The following TNRC18 variants were observed in gnomAD, a reference collection of about 807,000 sequenced individuals.
TNRC18 encodes the protein trinucleotide repeat-containing gene 18 protein.
Under a neutral mutation model 226.7 loss-of-function variants are expected in TNRC18, and 69 were observed. The ratio of observed to expected loss-of-function variants is 0.30; its 90% CI spans 0.25 to 0.37. The LOEUF is 0.37. TNRC18 is among the 10% of genes least tolerant of loss of function. TNRC18 has a pLI of 1.00. For synonymous variants in TNRC18, 2,449 were observed against 1,927.6 expected (o/e 1.27, Z -7.09); for missense variants, 4,754 against 4,256.6 (o/e 1.12, Z -3.25).
intron 4 of TNRC18, 199 bp from the exon 5 acceptor site, chr7:5,389,535 A>G (rs1467432541): frequency 1.3e-5 from 7 of 527,940 alleles, no homozygotes; most frequent in Non-Finnish European, 1.6e-5. Context: ...GCTCACTGCA[A>G]CCTCCACCTC....
intron 17 of TNRC18, among the ~76,000 whole-genome samples, chr7:5,348,256 T>G (rs1791411835): frequency 6.6e-6 from 1 of 152,170 alleles, no homozygotes. Context: ...ACATCCAAAG[T>G]GCCACCCATG....
chr7:5,422,428 G>A (rs1782639356), intron 1 of TNRC18, among the ~76,000 whole-genome samples: 1 of 147,808 alleles, frequency 6.8e-6, no homozygotes, highest in Non-Finnish European at 1.5e-5. Flanking sequence ...AAATCCCCCT[G>A]TAGTTCCAGG....
At position 5,324,028 on chromosome 7, in the gene TNRC18, T is replaced by C. The variant is rs1396196442; in HGVS notation, c.6442+186A>G. 6.6e-6 allele frequency among the ~76,000 whole-genome samples: 1 copy of C among 152,240 alleles called. No homozygotes were observed. Among genetic ancestry groups the C allele is most frequent in the African/African-American group, 2.4e-5 (1 of 41,470 alleles). ...GGCCGCTCTCTTGCCTCATCTGCAG[T>C]TGACTAAGCTGCAGCCAGTCCAGCC... On this transcript the variant is annotated intron_variant, in intron 21 of 29. Transcript: ENST00000430969. The surrounding 1 kb of genome is among the most constrained non-coding windows in gnomAD (Gnocchi z 4.8).
chr7:5,335,473 T>C (rs938238622), intron 18 of TNRC18, among the ~76,000 whole-genome samples: 7 of 151,166 alleles, frequency 4.6e-5, no homozygotes, highest in Non-Finnish European at 8.8e-5. Flanking sequence ...CCAGGCATGG[T>C]GGTGGGCACT....
chr7:5,313,056 G>A lies in TNRC18; in HGVS notation c.7835C>T (p.Pro2612Leu), dbSNP rs1160508257. 12 of 1,078,162 alleles carry A rather than the reference G, an allele frequency of 1.1e-5. No individual in the cohort carries two copies. The highest frequency in any genetic ancestry group is 7.9e-5 in the Admixed American group (4 of 50,324). 66.8% of individuals were successfully genotyped at this position (1,078,162 alleles called of 1,614,324 possible). A position where few individuals can be genotyped will look rare whatever the true frequency, so the allele number is the denominator to read the frequency against. ...CSAASSRAAS[P>L]ASSSSSSSSS... ...GGATGAGGAGGAGGAGGAGGAGGCC[G>A]GTGAGGCCGCCCTGGAGCTGGCAGC... The change falls in exon 27 of 30, where the codon CCG becomes CTG. Residue 2612 changes from proline to leucine, a missense_variant. Pro to Leu is a moderately conservative substitution (Grantham distance 98). Coordinates refer to ENST00000430969, the MANE Select transcript of TNRC18 (RefSeq NM_001080495.3).
Position 5,380,468 on chromosome 7 carries a change from A to G in TNRC18, c.2153-2444T>C, listed in dbSNP as rs116492625. Among the ~76,000 whole-genome samples, 590 of 152,344 alleles carry G rather than the reference A, an allele frequency of 3.9e-3. 6 individuals carry two copies. Among genetic ancestry groups the G allele is most frequent in the African/African-American group, 0.013 (549 of 41,582 alleles). Reference sequence around the variant, plus strand: ...CCCTGCAGGAAGGTGGGAACCCACCAGTCCCAGAAGCAGAAGAGAGGAACC... The same window carrying G: ...CCCTGCAGGAAGGTGGGAACCCACCGGTCCCAGAAGCAGAAGAGAGGAACC... On this transcript the variant is annotated intron_variant, in intron 5 of 29. Coordinates refer to ENST00000430969, the MANE Select transcript of TNRC18 (RefSeq NM_001080495.3).
chr7:5,376,215 AT>A lies in TNRC18; in HGVS notation c.2617del (p.Met873TrpfsTer65). 6.7e-7 allele frequency: 1 copy of A among 1,501,740 alleles called. No homozygotes were observed. The allele number at this position is 1,501,740 out of a possible 1,614,324, so 93.0% of individuals were successfully genotyped here. A position where few individuals can be genotyped will look rare whatever the true frequency, so the allele number is the denominator to read the frequency against. On this transcript the variant is annotated frameshift_variant, in exon 9 of 30. Transcript: ENST00000430969. LOFTEE classifies it high-confidence loss of function. ...SDHLPHFAELMERATVPPLWP... is the reference protein window; with the variant it reads ...SDHLPHFAELXERATVPPLWP... Reference sequence around the variant, plus strand: ...GAGGGGCGGTACGGTGGCCCGCTCCATCAGCTCCGCTGCAGGGACAGAGACA... The same window carrying A: ...GAGGGGCGGTACGGTGGCCCGCTCCACAGCTCCGCTGCAGGGACAGAGACA...
rs369501843 is a variant in TNRC18 at position 5,371,290 on chromosome 7, T to C, written c.3304A>G (p.Thr1102Ala). Residue 1102 changes from threonine to alanine, a missense_variant, in exon 11 of 30, where the codon ACG (threonine) becomes GCG (alanine). Coordinates refer to ENST00000430969, the MANE Select transcript of TNRC18 (RefSeq NM_001080495.3). ...AAGCCGTCCGCGTCGGCGGCGGCCG[T>C]GGGCTGCAGCAGGAAAGGGTAGGGC... ...GRPYPFLLQP[T>A]AAADADGLAP... is the part of the protein sequence containing the mutation. The C allele has an allele frequency of 7.4e-5, 116 of 1,575,532 alleles. No homozygotes were observed. Among genetic ancestry groups the C allele is most frequent in the Non-Finnish European group, 9.3e-5 (108 of 1,162,948 alleles).
rs919730654 is a variant in TNRC18, at chr7:5,357,338, T to C, written c.4834-62A>G. ...GACAAAACAGTATAGTGGGTTTCAGTGCACATGCTCTGCCCAGCCTGGGCT... is the reference window on the plus strand; with the variant it reads ...GACAAAACAGTATAGTGGGTTTCAGCGCACATGCTCTGCCCAGCCTGGGCT... On this transcript the variant is annotated intron_variant, in intron 15 of 29. Coordinates refer to ENST00000430969, the MANE Select transcript of TNRC18 (RefSeq NM_001080495.3). 3.3e-6 allele frequency: 5 copies of C among 1,512,566 alleles called. No homozygotes were observed. In the Admixed American group the frequency reaches 1.0e-4, roughly 31 times the overall value. The allele number at this position is 1,512,566 out of a possible 1,614,324, so 93.7% of individuals were successfully genotyped here.
chr7:5,374,064 G>C lies in TNRC18; in HGVS notation c.3220C>G (p.Leu1074Val), dbSNP rs554534252. ...CTCAGCTGCATCCTACCTGAGAACAGGGCCTGGAAGGGGCTGGGGGCTTCC... is the reference window on the plus strand; with the variant it reads ...CTCAGCTGCATCCTACCTGAGAACACGGCCTGGAAGGGGCTGGGGGCTTCC... ...EKEAPSPFQA[L>V]FSDIPPRYPF... The change falls in exon 10 of 30, where the codon CTG (leucine) becomes GTG (valine). Residue 1074 changes from leucine to valine, a missense_variant. Coordinates refer to ENST00000430969, the MANE Select transcript of TNRC18 (RefSeq NM_001080495.3). 1.3e-6 allele frequency: 2 copies of C among 1,568,198 alleles called. No homozygotes were observed. Among genetic ancestry groups the C allele is most frequent in the East Asian group, 2.5e-5 (1 of 40,300 alleles).
rs747975934 is a variant in TNRC18, at chr7:5,351,932, C to T, written c.5357G>A (p.Arg1786Gln). Reference protein sequence around the residue: ...KLTKRGLAAPRTLKPKPATSR... With the variant: ...KLTKRGLAAPQTLKPKPATSR... ...GGTGGCCGGCTTGGGTTTCAGAGTC[C>T]GGGGGGCCGCCAGGCCCCTCTTGGT... Residue 1786 changes from arginine (R) to glutamine (Q), a missense_variant, in exon 17 of 30, where the codon CGG becomes CAG. Arg to Gln is a conservative substitution (Grantham distance 43, BLOSUM62 1). Transcript: ENST00000430969. 1.2e-5 allele frequency: 19 copies of T among 1,613,588 alleles called. No homozygotes were observed. The highest frequency in any genetic ancestry group is 1.2e-5 in the Non-Finnish European group (14 of 1,179,812).
chr7:5,353,378 A>T lies in TNRC18; in HGVS notation c.5195-1284T>A, dbSNP rs575615378. Among the ~76,000 whole-genome samples, 11 of 152,130 alleles carry T rather than the reference A, an allele frequency of 7.2e-5. No individual in the cohort carries two copies. In the East Asian group the frequency reaches 1.2e-3, roughly 16 times the overall value. ...ATGGCAAAACCCCGTCTGTATTTTT[A>T]AAAAATACACAAACTGTTGTATTTT... On this transcript the variant is annotated intron_variant, in intron 16 of 29. Transcript: ENST00000430969.
Position 5,307,572 on chromosome 7 carries a change from G to A in TNRC18, c.*534C>T, listed in dbSNP as rs751579971. On this transcript the variant is annotated 3_prime_UTR_variant, in exon 30 of 30. Coordinates refer to ENST00000430969, the MANE Select transcript of TNRC18 (RefSeq NM_001080495.3). ...CCCCAAGTCTAGGCCATCCTGAGAG[G>A]GTGGGGGCAGGGCCCCTGGCACAGT... The A allele has an allele frequency of 6.7e-6, 3 of 449,650 alleles. No individual in the cohort carries two copies. Among genetic ancestry groups the A allele is most frequent in the South Asian group, 4.7e-5 (3 of 63,446 alleles). 27.9% of individuals were successfully genotyped at this position (449,650 alleles called of 1,614,324 possible).
At chr7:5,347,350 CTAAT>C (rs1180839095) in intron 17 of TNRC18, among the ~76,000 whole-genome samples, 1 of 145,192 alleles carries the variant, frequency 6.9e-6, no homozygotes, top group Non-Finnish European at 1.5e-5. Flanking sequence ...CCACACCAGG[CTAAT>C]TTTTTTTTTT....
chr7:5,420,548 C>G (rs986766022), intron 2 of TNRC18: 2 of 445,466 alleles, frequency 4.5e-6, no homozygotes, highest in African/African-American at 4.0e-5. Flanking sequence ...TCCCGCATCC[C>G]CCGGCGTACT....
chr7:5,417,194 G>A (rs551239546), intron 2 of TNRC18, among the ~76,000 whole-genome samples: 8 of 148,654 alleles, frequency 5.4e-5, no homozygotes, highest in African/African-American at 1.2e-4. Context: ...TCAGCTGGGC[G>A]CAGTGGTACA....
In TNRC18 at chr7:5,324,066, C is replaced by T. The variant is rs574775281; in HGVS notation, c.6442+148G>A. 76 of 909,846 alleles carry T rather than the reference C, an allele frequency of 8.4e-5. 1 individual carries two copies. The East Asian group carries it at 1.8e-3, about 21-fold the overall frequency. The allele number at this position is 909,846 out of a possible 1,614,324, so 56.4% of individuals were successfully genotyped here. ...AGCCAGTCCAGCCTTCTCATCGACC[C>T]GGATAACTCAGCCTCAGGATCTCTG... On this transcript the variant is annotated intron_variant, in intron 21 of 29. Transcript: ENST00000430969. The surrounding 1 kb of genome is among the most constrained non-coding windows in gnomAD (Gnocchi z 4.8).
chr7:5,366,210 G>A (rs1211357752), intron 11 of TNRC18, among the ~76,000 whole-genome samples: 1 of 151,558 alleles, frequency 6.6e-6, no homozygotes, highest in African/African-American at 2.4e-5. Context: ...CCACTAGATG[G>A]CAGTAGTGCT....
chr7:5,372,192 C>T (rs908385995), intron 10 of TNRC18, among the ~76,000 whole-genome samples: 1 of 152,006 alleles, frequency 6.6e-6, no homozygotes, highest in Non-Finnish European at 1.5e-5. Flanking sequence ...CTCACCCTCC[C>T]AAGTAGCTGG....
Sources: allele counts gnomAD v4.1 joint callset (sites outside exome capture counted in the v4.1 genomes callset), GRCh38; gene constraint gnomAD v4.1.1; non-coding constraint Gnocchi (gnomAD v3.1); transcripts MANE v1.5; gene names NCBI Gene and HGNC (gene_info 2026-07-23, HGNC 2026-07-21).